LMO1: variants seen among roughly 807,000 people sequenced by gnomAD.
LMO1 encodes the protein rhombotin-1.
LMO1 carries 10 observed loss-of-function variants against 18.0 expected under a neutral mutation model. The ratio of observed to expected loss-of-function variants is 0.55; its 90% CI spans 0.34 to 0.94. The LOEUF (loss-of-function observed/expected upper bound fraction) is 0.94. Among genes scored for constraint, LMO1 ranks in the 40% least tolerant of loss-of-function variants. The pLI, the probability that LMO1 is intolerant of heterozygous loss-of-function variation, is 0.02. For synonymous variants in LMO1, 77 were observed against 77.9 expected (o/e 0.99, Z 0.06); for missense variants, 183 against 205.7 (o/e 0.89, Z 0.68).
rs188000935 is a variant in LMO1, at chr11:8,226,945, G to C, written c.365+30C>G. On this transcript the variant is annotated intron_variant, in intron 3 of 3. Transcript: ENST00000335790. ...CAGGCCTCAGGCTGGCGTCTGGGGA[G>C]TGTGTTGGGTCGGCCAGTCCAGCAC... 81 of 1,594,048 alleles carry C rather than the reference G, an allele frequency of 5.1e-5. No individual in the cohort carries two copies. In the Admixed American group the frequency reaches 1.3e-3, roughly 25 times the overall value.
chr11:8,252,070 C>T (rs1427744834), intron 1 of LMO1, among the ~76,000 whole-genome samples: 6 of 152,068 alleles, frequency 3.9e-5, no homozygotes, highest in Non-Finnish European at 8.8e-5. Flanking sequence ...CCATCCCTCC[C>T]ACAGCTACAG....
chr11:8,233,570 C>A (rs1196491818), intron 1 of LMO1, among the ~76,000 whole-genome samples: 2 of 152,146 alleles, frequency 1.3e-5, no homozygotes, highest in Non-Finnish European at 2.9e-5. Context: ...GTCCAGGAGA[C>A]TTGAAAACAC....
chr11:8,268,412 G>A (rs1847283003), upstream of LMO1: 2 of 1,468,552 alleles, frequency 1.4e-6, no homozygotes, highest in African/African-American at 1.5e-5. Flanking sequence ...CCGGCACCGG[G>A]CGCCGGGCAC....
chr11:8,260,474 G>A (rs1847167772), intron 1 of LMO1, among the ~76,000 whole-genome samples: 2 of 152,064 alleles, frequency 1.3e-5, no homozygotes, highest in African/African-American at 2.4e-5. Context: ...CTTAAAACCC[G>A]AAGTTTAACC....
chr11:8,227,053 G>A lies in LMO1; in HGVS notation c.287C>T (p.Pro96Leu). The change falls in exon 3 of 4, where the codon CCA becomes CTA. Residue 96 changes from proline (P) to leucine (L), a missense_variant. Physicochemically the swap from Pro to Leu is moderately conservative, Grantham distance 98 (BLOSUM62 -3). Coordinates refer to ENST00000335790, the MANE Select transcript of LMO1 (RefSeq NM_002315.3). ...GGCCCGCATCACCATCTCGAAGGCT[G>A]GGATCAGCTTGCTGCAAGCAGCACA... ...GNCAACSKLI[P>L]AFEMVMRARD... 6.2e-7 allele frequency: 1 copy of A among 1,613,978 alleles called. No homozygotes were observed. Among genetic ancestry groups the A allele is most frequent in the Non-Finnish European group, 8.5e-7 (1 of 1,179,900 alleles).
At chr11:8,230,103 G>T (rs1952625043) in intron 2 of LMO1, among the ~76,000 whole-genome samples, 188 bp downstream of exon 2, 1 of 152,220 alleles carries the variant, frequency 6.6e-6, no homozygotes, top group Non-Finnish European at 1.5e-5. Context: ...AGGGCATAAC[G>T]ACCTGGGCCT....
intron 1 of LMO1, among the ~76,000 whole-genome samples, chr11:8,247,052 T>C (rs1010811743): frequency 3.3e-5 from 5 of 152,252 alleles, no homozygotes; most frequent in African/African-American, 1.2e-4. Context: ...TTGGCCCATC[T>C]GCTTCCACAA....
chr11:8,237,387 G>A (rs765502198), intron 1 of LMO1, among the ~76,000 whole-genome samples: 8 of 152,098 alleles, frequency 5.3e-5, no homozygotes, highest in Non-Finnish European at 1.2e-4. Flanking sequence ...ACTTCATTTC[G>A]CACGGACACA....
chr11:8,235,999 T>C (rs1298376264), intron 1 of LMO1, among the ~76,000 whole-genome samples: 2 of 152,204 alleles, frequency 1.3e-5, no homozygotes, highest in Non-Finnish European at 2.9e-5. Flanking sequence ...GCACTGGCCA[T>C]AGTCCAGCTC....
At chr11:8,259,747 C>T (rs1847155236) in intron 1 of LMO1, among the ~76,000 whole-genome samples, 1 of 152,332 alleles carries the variant, frequency 6.6e-6, no homozygotes, top group South Asian at 2.1e-4. Flanking sequence ...CCTAGGAAAT[C>T]CTACTGGTGG....
chr11:8,268,395 C>T, upstream of LMO1: 3 of 1,466,370 alleles, frequency 2.0e-6, no homozygotes, highest in Non-Finnish European at 2.7e-6. Flanking sequence ...CCGCGTGCCC[C>T]CGGGCACCGG....
chr11:8,225,366 C>T (rs1429752626), intron 3 of LMO1, among the ~76,000 whole-genome samples: 2 of 139,904 alleles, frequency 1.4e-5, no homozygotes, highest in Non-Finnish European at 3.0e-5. Flanking sequence ...GATCACGCCA[C>T]CACACTCCAA....
At chr11:8,259,065 T>C (rs976781442) in intron 1 of LMO1, among the ~76,000 whole-genome samples, 2 of 152,230 alleles carry the variant, frequency 1.3e-5, no homozygotes, top group African/African-American at 2.4e-5. Flanking sequence ...GTCACTGGCT[T>C]GCTTAGCCAA....
intron 1 of LMO1, among the ~76,000 whole-genome samples, chr11:8,233,942 G>C (rs918322226): frequency 2.2e-4 from 34 of 152,312 alleles, no homozygotes; most frequent in East Asian, 1.9e-4. Flanking sequence ...TTCAGGAAAG[G>C]TTTTAAAGCA....
Position 8,250,044 on chromosome 11 carries a change from A to AT in LMO1, c.25+13293dup, listed in dbSNP as rs11357195. ...TTAAACCATTTCTTCACCTTTCCCC[A>AT]TTTTTTTTTTATTTTTGTGGAGATT... On this transcript the variant is annotated intron_variant, in intron 1 of 3. Transcript: ENST00000335790. 5.4e-3 allele frequency among the ~76,000 whole-genome samples: 812 copies of AT among 150,516 alleles called. 8 individuals are homozygous for AT. Among genetic ancestry groups the AT allele is most frequent in the African/African-American group, 0.018 (746 of 40,910 alleles).
intron 2 of LMO1, among the ~76,000 whole-genome samples, chr11:8,228,127 A>C (rs1245291684): frequency 6.6e-6 from 1 of 152,238 alleles, no homozygotes; most frequent in Non-Finnish European, 1.5e-5. Flanking sequence ...CTGATGCCCA[A>C]AGGAAGCGCC....
intron 1 of LMO1, among the ~76,000 whole-genome samples, chr11:8,246,798 C>G (rs452348): frequency 0.88 from 133,468 of 151,914 alleles, 59,414 homozygotes; most frequent in South Asian, 0.98. Context: ...GTCAGCATAG[C>G]GGGGGAAATA....
At chr11:8,248,172 C>T (rs2134563428) in intron 1 of LMO1, among the ~76,000 whole-genome samples, 1 of 152,354 alleles carries the variant, frequency 6.6e-6, no homozygotes, top group South Asian at 2.1e-4. Flanking sequence ...CAAAAGACAG[C>T]TACCCCTGCA....
At chr11:8,250,311 A>C (rs1590552960) in intron 1 of LMO1, among the ~76,000 whole-genome samples, 1 of 152,296 alleles carries the variant, frequency 6.6e-6, no homozygotes, top group East Asian at 1.9e-4. Context: ...GTGCAGTCTT[A>C]GTTGTCGCCA....
Sources: allele counts gnomAD v4.1 joint callset (sites outside exome capture counted in the v4.1 genomes callset), GRCh38; gene constraint gnomAD v4.1.1; transcripts MANE v1.5; gene names NCBI Gene and HGNC (gene_info 2026-07-23, HGNC 2026-07-21).